Variants in SYNE1 observed in about 807,000 individuals in gnomAD.
The protein encoded by SYNE1 is nesprin-1.
SYNE1 carries 616 observed loss-of-function variants against 1,111.0 expected under a neutral mutation model. The observed-to-expected ratio is 0.55, with a 90% CI of 0.52 to 0.59. The LOEUF (loss-of-function observed/expected upper bound fraction) is 0.59, where lower values mean the gene tolerates loss of function less well. Ranked by LOEUF, SYNE1 falls within the 20% of genes least tolerant of loss-of-function variation. The pLI is 0.00. For synonymous variants in SYNE1, 3,855 were observed against 3,825.8 expected, an observed-to-expected ratio of 1.01 and a Z score of -0.28; for missense variants, 10,006 against 10,417.0, an observed-to-expected ratio of 0.96 and a Z score of 1.72.
chr6:152,376,377 T>C lies in SYNE1; in HGVS notation c.9324+4A>G. ...CTACTAGAATTAATTGATAACACCC[T>C]TACCTGTATTTTCTGAAGACTAGTT... On this transcript the variant is annotated splice_donor_region_variant and intron_variant, in intron 58 of 145. Transcript: ENST00000367255. The C allele has an allele frequency of 6.2e-7, 1 of 1,613,892 alleles. No individual in the cohort carries two copies. Among genetic ancestry groups the C allele is most frequent in the Non-Finnish European group, 8.5e-7 (1 of 1,179,802 alleles).
rs2079257348 is a variant in SYNE1 at position 152,218,325 on chromosome 6, G to A, written c.22123C>T (p.Leu7375=). The change falls in exon 121 of 146, where the codon CTA becomes TTA. Residue 7375 remains leucine (L), a synonymous_variant. Transcript: ENST00000367255. ...EAWIVEAEEI[L]QGQDPSHSSD... ...GAGTGGCTAGGGTCCTGCCCTTGTAGTATTTCTTCAGCTTCCACTATCCAG... is the reference window on the plus strand; with the variant it reads ...GAGTGGCTAGGGTCCTGCCCTTGTAATATTTCTTCAGCTTCCACTATCCAG... The A allele has an allele frequency of 6.2e-7, 1 of 1,613,940 alleles. No individual in the cohort carries two copies. The highest frequency in any genetic ancestry group is 1.3e-5 in the African/African-American group (1 of 74,980).
At chr6:152,270,850 G>A (rs1275809004) in intron 98 of SYNE1, among the ~76,000 whole-genome samples, 1 of 152,188 alleles carries the variant, frequency 6.6e-6, no homozygotes. Context: ...TCTGCATGAC[G>A]AGAGACCACC....
At chr6:152,461,521 G>A in intron 21 of SYNE1, 76 bp downstream of exon 21, 1 of 1,580,176 alleles carries the variant, frequency 6.3e-7, no homozygotes, top group South Asian at 1.1e-5. Flanking sequence ...TTGCCCATGG[G>A]GAGAAGGAGG....
Position 152,122,111 on chromosome 6 carries a change from T to C in SYNE1, c.*325A>G, listed in dbSNP as rs562539320. ...CTGCCCAGATGGTCTACTGAAGTCC[T>C]TGGCTGTGCACAGAATGGGCCAAGG... On this transcript the variant is annotated 3_prime_UTR_variant, in exon 146 of 146. Transcript: ENST00000367255. The C allele has an allele frequency of 2.0e-5, 8 of 394,670 alleles. No individual in the cohort carries two copies. The highest frequency in any genetic ancestry group is 1.8e-4 in the South Asian group (8 of 45,006). 24.4% of individuals were successfully genotyped at this position (394,670 alleles called of 1,614,324 possible). A position where few individuals can be genotyped will look rare whatever the true frequency, so the allele number is the denominator to read the frequency against.
chr6:152,154,672 G>A (rs2061051425), intron 133 of SYNE1, among the ~76,000 whole-genome samples: 1 of 152,084 alleles, frequency 6.6e-6, no homozygotes, highest in African/African-American at 2.4e-5. Context: ...CATTACTACA[G>A]TATTTATGCT....
intron 53 of SYNE1, among the ~76,000 whole-genome samples, chr6:152,389,042 C>A (rs1013714203): frequency 6.6e-6 from 1 of 151,732 alleles, no homozygotes; most frequent in Admixed American, 6.6e-5. Flanking sequence ...AGAGTCACTG[C>A]CTATGCTCCA....
At chr6:152,550,723 A>G (rs1046570743) in intron 3 of SYNE1, among the ~76,000 whole-genome samples, 7 of 152,132 alleles carry the variant, frequency 4.6e-5, no homozygotes, top group African/African-American at 1.7e-4. Flanking sequence ...GAAAATTCAT[A>G]CTTTTCTCTG....
chr6:152,446,229 G>A (rs1423801664), intron 29 of SYNE1, among the ~76,000 whole-genome samples: 1 of 148,070 alleles, frequency 6.8e-6, no homozygotes, highest in Non-Finnish European at 1.5e-5. Context: ...TTTTTAGAAT[G>A]TTGTTTTTGC....
rs552742691 is a variant in SYNE1, at chr6:152,299,749, T to C, written c.17682+892A>G. Among the ~76,000 whole-genome samples, 32 of 152,308 alleles carry C rather than the reference T, an allele frequency of 2.1e-4. No individual in the cohort carries two copies. In the South Asian group the frequency reaches 6.2e-3, roughly 30 times the overall value. On this transcript the variant is annotated intron_variant, in intron 93 of 145. Coordinates refer to ENST00000367255, the MANE Select transcript of SYNE1 (RefSeq NM_182961.4). ...AGAAATCCTATGACAGTCTGAATGC[T>C]TCTGCTTTAAAATAAAAGTAATATA...
intron 54 of SYNE1, among the ~76,000 whole-genome samples, chr6:152,386,348 T>C (rs2097526562): frequency 6.6e-6 from 1 of 152,190 alleles, no homozygotes; most frequent in African/African-American, 2.4e-5. Context: ...AAAGCCAGAA[T>C]TCAAACTTAA....
In SYNE1 at chr6:152,390,378, T is replaced by G. The variant is rs1185845713; in HGVS notation, c.8079A>C (p.Arg2693Ser). ...CCCTCTGACCTTCTTTGTTGCTACT[T>G]CTCAAGGCCTGTTCCCCCTTGCCAA... is the stretch of plus-strand genomic sequence containing the variant. ...MAIGKGEQAL[R>S]SSNKEGQRVI... Residue 2693 changes from arginine (R) to serine (S), a missense_variant, in exon 53 of 146, where the codon AGA (arginine) becomes AGC (serine). Physicochemically the swap from Arg to Ser is moderately radical, Grantham distance 110. This residue lies in a region of SYNE1 where 4,955 missense variants were observed against 5,017.2 expected (regional missense o/e 0.99). Transcript: ENST00000367255. The G allele has an allele frequency of 5.0e-6, 8 of 1,614,126 alleles. No homozygotes were observed. Among genetic ancestry groups the G allele is most frequent in the Non-Finnish European group, 6.8e-6 (8 of 1,180,004 alleles).
At chr6:152,297,153 C>A (rs1465618915) in intron 93 of SYNE1, among the ~76,000 whole-genome samples, 1 of 152,056 alleles carries the variant, frequency 6.6e-6, no homozygotes, top group African/African-American at 2.4e-5. Context: ...TCTCATTTCC[C>A]CCTCTCCTCC....
At chr6:152,531,254 C>A (rs889882611) in intron 4 of SYNE1, among the ~76,000 whole-genome samples, 1 of 151,970 alleles carries the variant, frequency 6.6e-6, no homozygotes, top group Admixed American at 6.6e-5. Context: ...AAGAATAAAT[C>A]TTTTATTTGT....
chr6:152,437,005 G>GA (rs1199684617), intron 32 of SYNE1, among the ~76,000 whole-genome samples: 85 of 142,996 alleles, frequency 5.9e-4, no homozygotes, highest in South Asian at 6.7e-4. Flanking sequence ...CATCTCTAGG[G>GA]AAAAAAAAAA....
intron 112 of SYNE1, among the ~76,000 whole-genome samples, chr6:152,232,843 C>G (rs903098694): frequency 6.6e-6 from 1 of 152,178 alleles, no homozygotes; most frequent in Non-Finnish European, 1.5e-5. Flanking sequence ...TTTGGAGGAA[C>G]AAAAGCAATC....
At chr6:152,239,984 G>A (rs1190184954) in intron 107 of SYNE1, among the ~76,000 whole-genome samples, 1 of 152,188 alleles carries the variant, frequency 6.6e-6, no homozygotes, top group Non-Finnish European at 1.5e-5. Flanking sequence ...CTTGAACCTG[G>A]GAGGCCGAGG....
chr6:152,599,801 T>G (rs1023262253), intron 3 of SYNE1, among the ~76,000 whole-genome samples: 2 of 152,222 alleles, frequency 1.3e-5, no homozygotes, highest in African/African-American at 4.8e-5. Context: ...AATGGCATTA[T>G]GAAATCATAT....
chr6:152,438,484 G>C (rs896552290), intron 32 of SYNE1, among the ~76,000 whole-genome samples: 6 of 152,084 alleles, frequency 3.9e-5, no homozygotes, highest in African/African-American at 1.4e-4. Context: ...ACATTGTAAG[G>C]CCTTATCTCT....
Position 152,230,660 on chromosome 6 carries a change from C to T in SYNE1, c.21082G>A (p.Glu7028Lys). 6.2e-7 allele frequency: 1 copy of T among 1,614,022 alleles called. No individual in the cohort carries two copies. The highest frequency in any genetic ancestry group is 2.2e-5 in the East Asian group (1 of 44,846). ...GTTTTCAGACATTGTACATTATTTT[C>T]ATATTCTGACCAAGATTCCAATAAG... The part of the protein sequence containing the change: ...EGLLESWSEY[E>K]NNVQCLKTWF... The change falls in exon 115 of 146, where the codon GAA becomes AAA. Residue 7028 changes from glutamate (E) to lysine (K), a missense_variant. Around this residue, in one of 7 missense-constraint regions of SYNE1, gnomAD observed 2,182 missense variants for 2,287.8 expected, o/e 0.95. Transcript: ENST00000367255.
Sources: gnomAD v4.1 joint callset for allele counts (sites outside exome capture counted in the v4.1 genomes callset) on GRCh38, gnomAD v4.1.1 for gene constraint, gnomAD v4.1.1 regional missense constraint, MANE v1.5 for transcripts, NCBI Gene and HGNC (gene_info 2026-07-23, HGNC 2026-07-21) for gene names.